DAPK1: variants seen among roughly 807,000 people sequenced by gnomAD.
DAPK1 encodes the protein death associated protein kinase 1, also known as death-associated protein kinase 1.
In DAPK1, 56 loss-of-function variants were observed where a neutral mutation model predicts 144.9. The observed-to-expected ratio is 0.39, with a 90% CI of 0.31 to 0.48. The LOEUF (loss-of-function observed/expected upper bound fraction) is 0.48, where lower values mean the gene tolerates loss of function less well. Among genes scored for constraint, DAPK1 ranks in the 20% least tolerant of loss-of-function variants. The pLI, the probability that DAPK1 is intolerant of heterozygous loss-of-function variation, is 0.95. For synonymous variants in DAPK1, 690 were observed against 749.0 expected, an observed-to-expected ratio of 0.92 and a Z score of 1.29; for missense variants, 1,454 against 1,875.4, an observed-to-expected ratio of 0.78 and a Z score of 4.15.
chr9:87,685,259 A>AGG, intron 20 of DAPK1, among the ~76,000 whole-genome samples: 1 of 152,232 alleles, frequency 6.6e-6, no homozygotes, highest in East Asian at 1.9e-4. Context: ...CCCTGTACCT[A>AGG]ATCCTGCCCT....
At chr9:87,529,963 C>A (rs1825645822) in intron 2 of DAPK1, among the ~76,000 whole-genome samples, 1 of 152,194 alleles carries the variant, frequency 6.6e-6, no homozygotes, top group Non-Finnish European at 1.5e-5. Context: ...CTAATGCCGC[C>A]CGCCCAAGCT....
intron 2 of DAPK1, among the ~76,000 whole-genome samples, chr9:87,567,789 G>A (rs1169884997): frequency 2.6e-5 from 4 of 152,084 alleles, no homozygotes; most frequent in Non-Finnish European, 5.9e-5. Context: ...TCCCTCCATG[G>A]CGTCCCTCCC....
intron 17 of DAPK1, among the ~76,000 whole-genome samples, chr9:87,653,167 T>C (rs13283228): frequency 1.1e-4 from 12 of 104,658 alleles, no homozygotes; most frequent in Non-Finnish European, 1.7e-4. Flanking sequence ...CCCCCGATCC[T>C]GGGTCCTGAT....
At chr9:87,561,793 T>C (rs956802059) in intron 2 of DAPK1, among the ~76,000 whole-genome samples, 1 of 152,170 alleles carries the variant, frequency 6.6e-6, no homozygotes, top group African/African-American at 2.4e-5. Flanking sequence ...GTGTGGACAG[T>C]GCTTATCTGG....
chr9:87,648,401 T>A (rs1286138176), intron 14 of DAPK1, among the ~76,000 whole-genome samples: 1 of 152,256 alleles, frequency 6.6e-6, no homozygotes, highest in Non-Finnish European at 1.5e-5. Flanking sequence ...TAAATAAAAT[T>A]GTTCATTTAA....
intron 2 of DAPK1, among the ~76,000 whole-genome samples, chr9:87,524,456 C>T (rs1005549614): frequency 1.3e-5 from 2 of 152,182 alleles, no homozygotes; most frequent in South Asian, 2.1e-4. Context: ...GGGAAGCACA[C>T]GCTTGAGCCC....
intron 25 of DAPK1, among the ~76,000 whole-genome samples, chr9:87,705,449 T>C (rs1825604789): frequency 6.6e-6 from 1 of 152,106 alleles, no homozygotes; most frequent in African/African-American, 2.4e-5. Context: ...CTCAAACTCC[T>C]GACCTCAAGT....
Position 87,638,094 on chromosome 9 carries a change from G to A in DAPK1, c.423+13G>A. The stretch of plus-strand genomic sequence containing the variant: ...CTTTGATCTTAAGGTACGTTTCAAA[G>A]TGTAAGCCAGATAGAAGCTTGTGCA... On this transcript the variant is annotated intron_variant, in intron 4 of 25. Coordinates refer to ENST00000408954, the MANE Select transcript of DAPK1 (RefSeq NM_004938.4). 6.2e-7 allele frequency: 1 copy of A among 1,605,668 alleles called. No homozygotes were observed. The highest frequency in any genetic ancestry group is 1.7e-4 in the Middle Eastern group (1 of 6,020).
intron 22 of DAPK1, among the ~76,000 whole-genome samples, chr9:87,698,023 A>G (rs141056270): frequency 2.0e-3 from 307 of 152,354 alleles, no homozygotes; most frequent in Non-Finnish European, 3.3e-3. Flanking sequence ...TTATTCCTAG[A>G]GGAGAGGATA....
chr9:87,589,541 A>G (rs1429445949), intron 2 of DAPK1, among the ~76,000 whole-genome samples: 2 of 104,828 alleles, frequency 1.9e-5, no homozygotes, highest in Non-Finnish European at 4.0e-5. Context: ...CAGGTCAGCT[A>G]GCACCATCAA....
chr9:87,507,469 T>A (rs1162122137), intron 2 of DAPK1, among the ~76,000 whole-genome samples: 1 of 152,150 alleles, frequency 6.6e-6, no homozygotes, highest in African/African-American at 2.4e-5. Flanking sequence ...CCTCCCAAAG[T>A]GTTGGGATTA....
rs183480607 is a variant in DAPK1 at position 87,615,509 on chromosome 9, G to A, written c.284+10334G>A. ...CCTGGACGACAGAAGTGTCATTGAC[G>A]TTTCCCCTAATATTTTGATAGGAAA... On this transcript the variant is annotated intron_variant, in intron 3 of 25. Coordinates refer to ENST00000408954, the MANE Select transcript of DAPK1 (RefSeq NM_004938.4). Among the ~76,000 whole-genome samples the A allele has an allele frequency of 9.1e-4, 139 of 152,300 alleles. 1 individual carries two copies. Among genetic ancestry groups the A allele is most frequent in the African/African-American group, 3.0e-3 (123 of 41,560 alleles).
At chr9:87,552,685 G>T (rs552992384) in intron 2 of DAPK1, among the ~76,000 whole-genome samples, 2 of 151,824 alleles carry the variant, frequency 1.3e-5, no homozygotes, top group South Asian at 2.1e-4. Flanking sequence ...TCCAGCTTCT[G>T]GGCTTAGGTG....
intron 11 of DAPK1, among the ~76,000 whole-genome samples, chr9:87,644,248 A>G (rs575576662): frequency 2.0e-5 from 3 of 152,328 alleles, no homozygotes; most frequent in Admixed American, 6.5e-5. Context: ...AATCACAGAT[A>G]AGCTCTTCAG....
intron 2 of DAPK1, among the ~76,000 whole-genome samples, chr9:87,561,320 A>T (rs1169534253): frequency 6.6e-6 from 1 of 152,024 alleles, no homozygotes; most frequent in Non-Finnish European, 1.5e-5. Context: ...AGGTCAGGAG[A>T]TCGAGACCAG....
At chr9:87,620,032 G>A (rs1188078029) in intron 3 of DAPK1, among the ~76,000 whole-genome samples, 1 of 136,742 alleles carries the variant, frequency 7.3e-6, no homozygotes, top group Non-Finnish European at 1.5e-5. Context: ...TGTTGAAAAG[G>A]AGATCTGAAC....
In DAPK1 at chr9:87,573,619, C is replaced by T. The variant is rs148643185; in HGVS notation, c.63-31335C>T. Among the ~76,000 whole-genome samples the T allele has an allele frequency of 5.3e-4, 81 of 152,336 alleles. No homozygotes were observed. In the East Asian group the frequency reaches 0.015, roughly 28 times the overall value. ...CTCTTCCTGACCACCAAGGATCAGA[C>T]TTCTGGAAGAAGAAAGTGGCTTCAA... On this transcript the variant is annotated intron_variant, in intron 2 of 25. Coordinates refer to ENST00000408954, the MANE Select transcript of DAPK1 (RefSeq NM_004938.4).
intron 2 of DAPK1, among the ~76,000 whole-genome samples, chr9:87,507,903 A>G (rs757778413): frequency 2.0e-5 from 3 of 152,224 alleles, no homozygotes; most frequent in Non-Finnish European, 4.4e-5. Context: ...CTGGCTGGCA[A>G]ATATTTTAAG....
intron 21 of DAPK1, among the ~76,000 whole-genome samples, chr9:87,695,485 C>T (rs910691312): frequency 2.0e-5 from 3 of 152,276 alleles, no homozygotes; most frequent in East Asian, 1.9e-4. Flanking sequence ...CTGGAGGTTC[C>T]GGGAGTCCTG....
Sources: allele counts gnomAD v4.1 joint callset (sites outside exome capture counted in the v4.1 genomes callset), GRCh38; gene constraint gnomAD v4.1.1; transcripts MANE v1.5; gene names NCBI Gene and HGNC (gene_info 2026-07-23, HGNC 2026-07-21).